The following ZNF93 variants were observed in gnomAD, a reference collection of about 807,000 sequenced individuals.
ZNF93 encodes zinc finger protein 93.
Under a neutral mutation model 45.0 loss-of-function variants are expected in ZNF93, and 29 were observed. The ratio of observed to expected loss-of-function variants is 0.64; its 90% confidence interval spans 0.48 to 0.88. The LOEUF (loss-of-function observed/expected upper bound fraction) is 0.88. Among genes scored for constraint, ZNF93 ranks in the 40% least tolerant of loss-of-function variants. The pLI is 0.00. For synonymous variants in ZNF93, 223 were observed against 244.6 expected, an observed-to-expected ratio of 0.91 and a Z score of 0.82; for missense variants, 578 against 724.0, an observed-to-expected ratio of 0.80 and a Z score of 2.31.
intron 3 of ZNF93, among the ~76,000 whole-genome samples, chr19:19,920,108 A>G (rs1322496140): frequency 2.0e-5 from 3 of 152,132 alleles, no homozygotes; most frequent in Non-Finnish European, 4.4e-5. Flanking sequence ...AGCTCTTATT[A>G]TTTTGAGATA....
At chr19:19,902,913 A>AT (rs1491583391) in intron 1 of ZNF93, among the ~76,000 whole-genome samples, 12 of 151,136 alleles carry the variant, frequency 7.9e-5, no homozygotes, top group Admixed American at 4.6e-4. Context: ...ATTAAAAAAA[A>AT]TTTTTTTAAT....
chr19:19,923,162 C>T (rs1599571257), intron 3 of ZNF93, among the ~76,000 whole-genome samples: 1 of 152,256 alleles, frequency 6.6e-6, no homozygotes, highest in East Asian at 1.9e-4. Flanking sequence ...AGTCAGGACC[C>T]TCAGCTGCAG....
In ZNF93 at chr19:19,933,543, T is replaced by C; in HGVS notation, c.588T>C (p.Thr196=). The C allele has an allele frequency of 1.2e-6, 2 of 1,608,184 alleles. No homozygotes were observed. Among genetic ancestry groups the C allele is most frequent in the Non-Finnish European group, 1.7e-6 (2 of 1,177,868 alleles). The change falls in exon 4 of 4, where the codon ACT becomes ACC. Residue 196 remains threonine, a synonymous_variant. Coordinates refer to ENST00000343769, the MANE Select transcript of ZNF93 (RefSeq NM_031218.4). ...STLITHKKIH[T]GEKPYICEEC... ...TTATAACACATAAGAAAATTCATAC[T>C]GGAGAGAAACCCTACATTTGTGAAG...
intron 3 of ZNF93, among the ~76,000 whole-genome samples, chr19:19,923,883 G>A (rs77945826): frequency 0.15 from 22,662 of 152,044 alleles, 1,994 homozygotes; most frequent in East Asian, 0.41. Flanking sequence ...GTGATGCCTC[G>A]CCCTGCTTCG....
At chr19:19,923,254 T>C (rs1376372813) in intron 3 of ZNF93, among the ~76,000 whole-genome samples, 1 of 152,156 alleles carries the variant, frequency 6.6e-6, no homozygotes, top group African/African-American at 2.4e-5. Context: ...CAGCGAATAT[T>C]GGTGAACAGC....
intron 3 of ZNF93, among the ~76,000 whole-genome samples, chr19:19,931,108 C>A (rs1481725541): frequency 3.3e-5 from 5 of 150,496 alleles, no homozygotes; most frequent in East Asian, 1.9e-4. Flanking sequence ...TTTAAAAAAA[C>A]CACTTAGGCA....
At chr19:19,909,576 C>A (rs2063302120) in intron 1 of ZNF93, 1 of 152,180 alleles carries the variant, frequency 6.6e-6, no homozygotes, top group African/African-American at 2.4e-5. Context: ...TTATGATGAC[C>A]ATCTTTCTGA....
At chr19:19,907,484 A>G (rs2063296120) in intron 1 of ZNF93, among the ~76,000 whole-genome samples, 1 of 152,076 alleles carries the variant, frequency 6.6e-6, no homozygotes, top group African/African-American at 2.4e-5. Flanking sequence ...CAGAACAATT[A>G]GCATAGTTAT....
intron 2 of ZNF93, 74 bp from the exon 3 acceptor site, chr19:19,916,485 CT>C (rs1156813336): frequency 8.6e-7 from 1 of 1,164,346 alleles, no homozygotes; most frequent in Non-Finnish European, 1.2e-6. Context: ...ATCACATCGT[CT>C]TTGCTGAGCA....
Position 19,933,629 on chromosome 19 carries a change from G to C in ZNF93, c.674G>C (p.Gly225Ala), listed in dbSNP as rs757959402. Residue 225 changes from glycine to alanine, a missense_variant, in exon 4 of 4, where the codon GGA (glycine) becomes GCA (alanine). This residue lies in a region of ZNF93 where 446 missense variants were observed against 547.6 expected (regional missense o/e 0.81). Transcript: ENST00000343769. ...ALNTHKRIHT[G>A]EKPYKCDKCD... is the part of the protein sequence containing the mutation. Reference sequence around the variant, plus strand: ...AATACACATAAGAGAATTCATACTGGAGAGAAACCATACAAGTGTGATAAA... The same window carrying C: ...AATACACATAAGAGAATTCATACTGCAGAGAAACCATACAAGTGTGATAAA... 6.2e-7 allele frequency: 1 copy of C among 1,610,716 alleles called. No individual in the cohort carries two copies. The highest frequency in any genetic ancestry group is 1.1e-5 in the South Asian group (1 of 90,630).
intron 3 of ZNF93, among the ~76,000 whole-genome samples, chr19:19,930,169 C>T (rs532839399): frequency 1.4e-4 from 21 of 152,008 alleles, no homozygotes; most frequent in African/African-American, 5.1e-4. Flanking sequence ...GTCCACTGGA[C>T]AGGGGGCCCT....
chr19:19,932,952 T>G, intron 3 of ZNF93: 1 of 302,520 alleles, frequency 3.3e-6, no homozygotes, highest in East Asian at 5.5e-5. Flanking sequence ...TGTTTTTCAA[T>G]TGTTTGTTTT....
intron 1 of ZNF93, among the ~76,000 whole-genome samples, chr19:19,905,834 C>T (rs913006791): frequency 1.3e-5 from 2 of 152,040 alleles, no homozygotes; most frequent in Admixed American, 1.3e-4. Context: ...TCAGGCAATC[C>T]ACCAGCCTCA....
intron 1 of ZNF93, among the ~76,000 whole-genome samples, chr19:19,913,304 A>G (rs182468469): frequency 2.2e-4 from 33 of 152,326 alleles, no homozygotes; most frequent in East Asian, 2.1e-3. Context: ...TTAGGATCAC[A>G]TGACCAATTT....
In ZNF93 at chr19:19,934,074, ATG is replaced by A. The variant is rs780612889; in HGVS notation, c.1122_1123del (p.Cys374TrpfsTer12). ...MGKKHYKCEE[C>X]GKAFIWSSVL... ...GAAAGAAACATTACAAATGTGAAGA[ATG>A]TGGCAAAGCCTTCATTTGGTCCTCA... On this transcript the variant is annotated frameshift_variant, in exon 4 of 4. Coordinates refer to ENST00000343769, the MANE Select transcript of ZNF93 (RefSeq NM_031218.4). LOFTEE classifies it high-confidence loss of function. 9.3e-6 allele frequency: 15 copies of A among 1,613,138 alleles called. 1 individual carries two copies. The Admixed American group carries it at 2.3e-4, about 25-fold the overall frequency.
At chr19:19,917,331 TTATTC>T (rs1379008507) in intron 3 of ZNF93, among the ~76,000 whole-genome samples, 1 of 112,220 alleles carries the variant, frequency 8.9e-6, no homozygotes, top group Non-Finnish European at 1.6e-5. Flanking sequence ...TTAATAATAC[TTATTC>T]TTCAAGTTAT....
chr19:19,906,688 C>T (rs1568506387), intron 1 of ZNF93, among the ~76,000 whole-genome samples: 3 of 151,722 alleles, frequency 2.0e-5, no homozygotes, highest in Non-Finnish European at 4.4e-5. Context: ...TTAATTTGTC[C>T]TGAGTTGATT....
Position 19,934,175 on chromosome 19 carries a change from A to G in ZNF93, c.1220A>G (p.Lys407Arg). The part of the protein sequence containing the change: ...YKCEECGKAF[K>R]YSSTLSSHKR... ...TGTGAAGAATGTGGCAAAGCCTTTAAGTACTCCTCTACCCTTAGTTCACAT... is the reference window on the plus strand; with the variant it reads ...TGTGAAGAATGTGGCAAAGCCTTTAGGTACTCCTCTACCCTTAGTTCACAT... The change falls in exon 4 of 4, where the codon AAG (lysine) becomes AGG (arginine). Residue 407 changes from lysine (K) to arginine (R), a missense_variant. Transcript: ENST00000343769. The G allele has an allele frequency of 6.2e-7, 1 of 1,611,726 alleles. No homozygotes were observed. Among genetic ancestry groups the G allele is most frequent in the Non-Finnish European group, 8.5e-7 (1 of 1,179,842 alleles).
chr19:19,912,863 T>G (rs962113305), intron 1 of ZNF93, among the ~76,000 whole-genome samples: 6 of 152,190 alleles, frequency 3.9e-5, no homozygotes, highest in Non-Finnish European at 7.4e-5. Context: ...TATCATACTC[T>G]AGCACATAGT....
Sources: gnomAD v4.1 joint callset for allele counts (sites outside exome capture counted in the v4.1 genomes callset) on GRCh38, gnomAD v4.1.1 for gene constraint, gnomAD v4.1.1 regional missense constraint, MANE v1.5 for transcripts, NCBI Gene and HGNC (gene_info 2026-07-23, HGNC 2026-07-21) for gene names.